The following OSBPL5 variants were observed in gnomAD, a reference collection of about 807,000 sequenced individuals.
OSBPL5 encodes oxysterol-binding protein-related protein 5.
In OSBPL5, 71 loss-of-function variants were observed where a neutral mutation model predicts 111.2. The observed-to-expected ratio is 0.64, with a 90% confidence interval of 0.53 to 0.78. OSBPL5 has a LOEUF of 0.78. OSBPL5 is among the 30% of genes least tolerant of loss of function. OSBPL5 has a pLI of 0.00. For synonymous variants in OSBPL5, 549 were observed against 513.9 expected (o/e 1.07, Z -0.93); for missense variants, 1,210 against 1,189.3 (o/e 1.02, Z -0.26).
chr11:3,163,385 C>T (rs1026217755), intron 1 of OSBPL5, among the ~76,000 whole-genome samples: 10 of 152,142 alleles, frequency 6.6e-5, no homozygotes, highest in African/African-American at 2.2e-4. Flanking sequence ...TTCCACCCGC[C>T]GGCTTGTCAC....
chr11:3,122,198 GGA>G, intron 4 of OSBPL5, 100 bp from the exon 5 acceptor site: 1 of 1,373,250 alleles, frequency 7.3e-7, no homozygotes, highest in Middle Eastern at 2.4e-4. Context: ...GGCAGGGGCA[GGA>G]GAGGAAGTAG....
chr11:3,119,649 T>C lies in OSBPL5; in HGVS notation c.607-18A>G. The stretch of plus-strand genomic sequence containing the variant: ...TTGGGGCCCTGGAGAGAGAGAGATC[T>C]GGGTGTCACCCGAGGCAACACCCAG... On this transcript the variant is annotated intron_variant, in intron 6 of 21. Transcript: ENST00000263650. The C allele has an allele frequency of 6.3e-7, 1 of 1,577,454 alleles. No homozygotes were observed. The highest frequency in any genetic ancestry group is 8.6e-7 in the Non-Finnish European group (1 of 1,165,138).
Position 3,104,416 on chromosome 11 carries a change from A to C in OSBPL5, c.1060-39T>G. 3.1e-6 allele frequency: 5 copies of C among 1,591,642 alleles called. No homozygotes were observed. The highest frequency in any genetic ancestry group is 4.3e-6 in the Non-Finnish European group (5 of 1,175,894). On this transcript the variant is annotated intron_variant, in intron 9 of 21. Transcript: ENST00000263650. This position sits in a 1 kb window ranked among gnomAD's most constrained non-coding sequence, Gnocchi z 5.0. Reference sequence around the variant, plus strand: ...GCTGCAGTCAGGCCCTGCCCGGAAGAGCCGGGAGGAAGGGGTGGCGGGACA... The same window carrying C: ...GCTGCAGTCAGGCCCTGCCCGGAAGCGCCGGGAGGAAGGGGTGGCGGGACA...
intron 7 of OSBPL5, among the ~76,000 whole-genome samples, chr11:3,111,883 A>G (rs1857953070): frequency 6.6e-6 from 1 of 152,238 alleles, no homozygotes; most frequent in Non-Finnish European, 1.5e-5. Flanking sequence ...ATATGGAATG[A>G]GATTTAAAAA....
In OSBPL5 at chr11:3,105,253, G is replaced by A. The variant is rs556457011; in HGVS notation, c.1060-876C>T. ...CCCAACGGCAGCTGCCCCAGGGAGC[G>A]GGCAAGATGGAGTGTGGCCTGTGAG... On this transcript the variant is annotated intron_variant, in intron 9 of 21. Transcript: ENST00000263650. The surrounding 1 kb of genome is among the most constrained non-coding windows in gnomAD (Gnocchi z 5.2). 2.2e-4 allele frequency among the ~76,000 whole-genome samples: 33 copies of A among 152,322 alleles called. No individual in the cohort carries two copies. The highest frequency in any genetic ancestry group is 6.3e-4 in the African/African-American group (26 of 41,570).
chr11:3,153,829 C>T (rs1485107034), intron 1 of OSBPL5, among the ~76,000 whole-genome samples: 1 of 152,264 alleles, frequency 6.6e-6, no homozygotes, highest in Non-Finnish European at 1.5e-5. Context: ...TGGGTGTCCA[C>T]TATGGCTGCT....
chr11:3,110,213 C>T lies in OSBPL5; in HGVS notation c.692-2268G>A, dbSNP rs929213814. ...GACTGCTTTAGGTCTGCACCACCGGCGGGATGGGAGCCCTTCACCCCACTG... is the reference window on the plus strand; with the variant it reads ...GACTGCTTTAGGTCTGCACCACCGGTGGGATGGGAGCCCTTCACCCCACTG... On this transcript the variant is annotated intron_variant, in intron 7 of 21. Transcript: ENST00000263650. The surrounding 1 kb of genome is among the most constrained non-coding windows in gnomAD (Gnocchi z 5.3). Among the ~76,000 whole-genome samples, 6 of 152,188 alleles carry T rather than the reference C, an allele frequency of 3.9e-5. No homozygotes were observed. The highest frequency in any genetic ancestry group is 5.9e-5 in the Non-Finnish European group (4 of 68,024).
rs573151125 is a variant in OSBPL5, at chr11:3,089,890, G to T, written c.2457C>A (p.His819Gln). 2 of 1,566,164 alleles carry T rather than the reference G, an allele frequency of 1.3e-6. No homozygotes were observed. Among genetic ancestry groups the T allele is most frequent in the Non-Finnish European group, 1.7e-6 (2 of 1,156,078 alleles). Reference protein sequence around the residue: ...RKEARRLQALHEAILSIREAQ... With the variant: ...RKEARRLQALQEAILSIREAQ... The stretch of plus-strand genomic sequence containing the variant: ...CCTCTCGGATGGAGAGGATGGCCTC[G>T]TGCAGGGCCTGCAGCCGCCGCGCCT... The change falls in exon 21 of 22, where the codon CAC (histidine) becomes CAA (glutamine). Residue 819 changes from histidine (H) to glutamine (Q), a missense_variant. Transcript: ENST00000263650.
At chr11:3,147,877 C>T (rs1055128867) in intron 1 of OSBPL5, among the ~76,000 whole-genome samples, 2 of 152,172 alleles carry the variant, frequency 1.3e-5, no homozygotes, top group Non-Finnish European at 2.9e-5. Context: ...TCTGGGTCTC[C>T]ACCACCAAGA....
chr11:3,156,152 C>A (rs1309572916), intron 1 of OSBPL5, among the ~76,000 whole-genome samples: 1 of 152,136 alleles, frequency 6.6e-6, no homozygotes, highest in Non-Finnish European at 1.5e-5. Context: ...CAGGCCCCAT[C>A]TCGCTGGGCT....
At chr11:3,160,767 C>A (rs952261695) in intron 1 of OSBPL5, among the ~76,000 whole-genome samples, 9 of 151,880 alleles carry the variant, frequency 5.9e-5, no homozygotes, top group African/African-American at 1.7e-4. Flanking sequence ...TCTCCCTCCC[C>A]TGGCCGAGGA....
intron 13 of OSBPL5, 58 bp from the exon 14 acceptor site, chr11:3,100,314 G>C: frequency 6.7e-7 from 1 of 1,492,206 alleles, no homozygotes; most frequent in Admixed American, 1.8e-5. Flanking sequence ...CACATCTGAG[G>C]CCACCCCTAA....
At chr11:3,147,110 G>C (rs576239124) in intron 1 of OSBPL5, among the ~76,000 whole-genome samples, 1 of 147,478 alleles carries the variant, frequency 6.8e-6, no homozygotes, top group African/African-American at 2.5e-5. Flanking sequence ...AACCACAGCC[G>C]TGTGACTCAC....
At chr11:3,112,034 T>TGC (rs1491348458) in intron 7 of OSBPL5, among the ~76,000 whole-genome samples, 5 of 103,374 alleles carry the variant, frequency 4.8e-5, no homozygotes, top group Non-Finnish European at 1.1e-4. Context: ...CATGTGTGTG[T>TGC]ATGTGTGCGC....
chr11:3,100,070 C>T (rs1857399987), intron 14 of OSBPL5, 88 bp downstream of exon 14: 1 of 1,159,122 alleles, frequency 8.6e-7, no homozygotes, highest in Non-Finnish European at 1.3e-6. Flanking sequence ...GTAAAGATAC[C>T]TTCAAGCAAA....
Position 3,120,544 on chromosome 11 carries a change from C to G in OSBPL5, c.483G>C (p.Lys161Asn), listed in dbSNP as rs767788863. The change falls in exon 6 of 22, where the codon AAG becomes AAC. Residue 161 changes from lysine (K) to asparagine (N), a missense_variant. Lys to Asn is a moderately conservative substitution (Grantham distance 94, BLOSUM62 0). Coordinates refer to ENST00000263650, the MANE Select transcript of OSBPL5 (RefSeq NM_020896.4). Reference protein sequence around the residue: ...PGVLLIYKTPKVGQWVGTVLL... With the variant: ...PGVLLIYKTPNVGQWVGTVLL... ...GCACCGTGCCCACCCACTGGCCCAC[C>G]TTGGGCGTCTTGTAGATGAGCAGCA... 6.2e-7 allele frequency: 1 copy of G among 1,613,362 alleles called. No homozygotes were observed. The highest frequency in any genetic ancestry group is 8.5e-7 in the Non-Finnish European group (1 of 1,180,028).
rs1857744707 is a variant in OSBPL5 at position 3,107,464 on chromosome 11, T to G, written c.867-9A>C. ...GGGAAGACCCGTTCAGTCTGGAAGG[T>G]GGATGGTGCCAGTGGGTCCCTGTCA... is the stretch of plus-strand genomic sequence containing the variant. On this transcript the variant is annotated splice_polypyrimidine_tract_variant and intron_variant, in intron 8 of 21. Transcript: ENST00000263650. The surrounding 1 kb of genome is among the most constrained non-coding windows in gnomAD (Gnocchi z 6.1). The G allele has an allele frequency of 6.2e-7, 1 of 1,613,750 alleles. No homozygotes were observed. Among genetic ancestry groups the G allele is most frequent in the Non-Finnish European group, 8.5e-7 (1 of 1,179,822 alleles).
chr11:3,164,831 G>T (rs971531141), intron 1 of OSBPL5, among the ~76,000 whole-genome samples: 22 of 152,304 alleles, frequency 1.4e-4, no homozygotes, highest in Admixed American at 3.9e-4. Context: ...ATTGGCCAGG[G>T]TTTGTGGTGG....
In OSBPL5 at chr11:3,107,319, C is replaced by A. The variant is rs753849600; in HGVS notation, c.1003G>T (p.Ala335Ser). Residue 335 changes from alanine (A) to serine (S), a missense_variant, in exon 9 of 22, where the codon GCC becomes TCC. Transcript: ENST00000263650. This position sits in a 1 kb window ranked among gnomAD's most constrained non-coding sequence, Gnocchi z 6.1. The stretch of plus-strand genomic sequence containing the variant: ...TAGGTGGTCCCTCTCCGCACCGGGG[C>A]CCCAGGGGTCTCTGACTGGTCGCTG... ...SGSDQSETPG[A>S]PVRRGTTYVE... 7 of 1,613,846 alleles carry A rather than the reference C, an allele frequency of 4.3e-6. No homozygotes were observed. The highest frequency in any genetic ancestry group is 5.1e-6 in the Non-Finnish European group (6 of 1,179,964).
Sources: allele counts gnomAD v4.1 joint callset (sites outside exome capture counted in the v4.1 genomes callset), GRCh38; gene constraint gnomAD v4.1.1; non-coding constraint Gnocchi (gnomAD v3.1); transcripts MANE v1.5; gene names NCBI Gene and HGNC (gene_info 2026-07-23, HGNC 2026-07-21).